The following INSL6 variants were observed in gnomAD, a reference collection of about 807,000 sequenced individuals.
INSL6 encodes the protein insulin-like peptide INSL6.
Under a neutral mutation model 9.4 loss-of-function variants are expected in INSL6, and 16 were observed. That is an observed-to-expected ratio of 1.70 (90% confidence interval 1.15 to 2.59). The LOEUF is 2.59. INSL6 is among the 30% of genes most tolerant of loss of function. INSL6 has a pLI of 0.00. For missense variants in INSL6, 391 were observed against 257.3 expected (o/e 1.52, Z -3.56); for synonymous variants, 154 against 96.9 (o/e 1.59, Z -3.46).
At chr9:5,064,913 T>A in the INSL6 span, 1 of 1,594,030 alleles carries the variant, frequency 6.3e-7, no homozygotes, top group Middle Eastern at 1.7e-4. Context: ...AAGGGAAGCT[T>A]TGTCTTTCGT....
chr9:5,129,049 G>C (rs1824181407), intron 3 of INSL6, among the ~76,000 whole-genome samples: 1 of 151,976 alleles, frequency 6.6e-6, no homozygotes, highest in Admixed American at 6.6e-5. Flanking sequence ...CTATGGAAGA[G>C]TGTTCTTTTA....
At chr9:5,011,647 A>G in the INSL6 span, among the ~76,000 whole-genome samples, 2 of 152,078 alleles carry the variant, frequency 1.3e-5, no homozygotes, top group Admixed American at 1.3e-4. Context: ...TTTCTATTAT[A>G]TATATTCTTC....
the INSL6 span, chr9:5,085,562 C>G: frequency 1.4e-6 from 1 of 692,864 alleles, no homozygotes; most frequent in Non-Finnish European, 2.7e-6. Flanking sequence ...GATATAACAG[C>G]TGTATTTCCA....
chr9:5,099,233 A>G, the INSL6 span: 1 of 152,246 alleles, frequency 6.6e-6, no homozygotes, highest in Non-Finnish European at 1.5e-5. Context: ...TACTATGGAC[A>G]GTGCTCAGAA....
the INSL6 span, among the ~76,000 whole-genome samples, chr9:5,002,312 T>A: frequency 6.6e-6 from 1 of 151,972 alleles, no homozygotes; most frequent in East Asian, 1.9e-4. Context: ...CTATTTTAGC[T>A]GTATTCCCCC....
chr9:5,138,940 A>G (rs926562395), intron 2 of INSL6, among the ~76,000 whole-genome samples: 1 of 152,100 alleles, frequency 6.6e-6, no homozygotes, highest in Admixed American at 6.6e-5. Context: ...CAAGAAAAGC[A>G]GGAGATTTTA....
chr9:5,172,507 A>G (rs1586876060), intron 1 of INSL6, among the ~76,000 whole-genome samples: 1 of 152,244 alleles, frequency 6.6e-6, no homozygotes, highest in Non-Finnish European at 1.5e-5. Flanking sequence ...AGAAACTACC[A>G]TCAGAGTGAA....
intron 2 of INSL6, among the ~76,000 whole-genome samples, chr9:5,149,974 T>C (rs765513696): frequency 2.8e-4 from 42 of 152,286 alleles, no homozygotes; most frequent in African/African-American, 9.1e-4. Context: ...TCTAACAACG[T>C]TGACAAAAGC....
At chr9:5,027,241 A>G in the INSL6 span, among the ~76,000 whole-genome samples, 1 of 152,226 alleles carries the variant, frequency 6.6e-6, no homozygotes, top group African/African-American at 2.4e-5. Context: ...GTTCCAGACT[A>G]TCGCAGTGAA....
the INSL6 span, among the ~76,000 whole-genome samples, chr9:5,088,147 G>A: frequency 5.3e-5 from 8 of 152,134 alleles, no homozygotes; most frequent in Non-Finnish European, 1.0e-4. Context: ...ATTTTAGGGA[G>A]TTCTGAATTG....
intron 2 of INSL6, among the ~76,000 whole-genome samples, chr9:5,141,951 A>G (rs1205071018): frequency 6.6e-6 from 1 of 152,346 alleles, no homozygotes; most frequent in East Asian, 1.9e-4. Context: ...AAGTTATCCC[A>G]GGAGGATTTA....
At chr9:5,079,334 T>C in the INSL6 span, among the ~76,000 whole-genome samples, 40 of 152,344 alleles carry the variant, frequency 2.6e-4, no homozygotes, top group Non-Finnish European at 5.0e-4. Flanking sequence ...ATATTGCTTC[T>C]TCCTTTCTTG....
intron 2 of INSL6, among the ~76,000 whole-genome samples, chr9:5,136,946 C>T (rs1490357774): frequency 1.3e-5 from 2 of 152,164 alleles, no homozygotes; most frequent in African/African-American, 4.8e-5. Context: ...AATCAATGTG[C>T]AAAAATCACA....
chr9:5,136,122 GAATT>G lies in INSL6; in HGVS notation c.377-2534_377-2531del, dbSNP rs1344465383. Among the ~76,000 whole-genome samples the G allele has an allele frequency of 8.6e-5, 13 of 151,682 alleles. No individual in the cohort carries two copies. In the South Asian group the frequency reaches 2.3e-3, roughly 27 times the overall value. On this transcript the variant is annotated intron_variant, in intron 2 of 3. Transcript: ENST00000649639. ...ACCAATAACAACTTCTGAAAGTAAT[GAATT>G]AATAGCCTACCAGCTAAAAAAAAGT...
intron 3 of INSL6, among the ~76,000 whole-genome samples, chr9:5,130,621 C>T (rs1037039633): frequency 6.6e-6 from 1 of 152,006 alleles, no homozygotes; most frequent in African/African-American, 2.4e-5. Flanking sequence ...TAATTAAGTA[C>T]ATGGTATTTA....
chr9:5,112,059 C>A, the INSL6 span: 1 of 404,808 alleles, frequency 2.5e-6, no homozygotes, highest in Non-Finnish European at 4.9e-6. Flanking sequence ...CGACGGGGGT[C>A]TCCACGGCCT....
chr9:5,114,002 C>T, the INSL6 span: 925 of 277,378 alleles, frequency 3.3e-3, 12 homozygotes, highest in African/African-American at 0.018. Flanking sequence ...ATGGGCAGGT[C>T]GTGGATGTGA....
chr9:5,019,554 T>G, the INSL6 span, among the ~76,000 whole-genome samples: 6 of 152,240 alleles, frequency 3.9e-5, no homozygotes, highest in African/African-American at 1.4e-4. Context: ...CATTGGAATC[T>G]TTTGGTAGAA....
chr9:5,114,131 A>G, the INSL6 span: 1 of 371,742 alleles, frequency 2.7e-6, no homozygotes, highest in Admixed American at 3.4e-5. Context: ...TCACCTATCA[A>G]GGTAACACCT....
Sources: allele counts gnomAD v4.1 joint callset (sites outside exome capture counted in the v4.1 genomes callset), GRCh38; gene constraint gnomAD v4.1.1; transcripts MANE v1.5; gene names NCBI Gene and HGNC (gene_info 2026-07-23, HGNC 2026-07-21).